The following LRMDA variants were observed in gnomAD, a reference collection of about 807,000 sequenced individuals.
LRMDA encodes leucine-rich melanocyte differentiation-associated protein.
LRMDA carries 18 observed loss-of-function variants against 29.8 expected under a neutral mutation model. The ratio of observed to expected loss-of-function variants is 0.60; its 90% CI spans 0.42 to 0.90. The LOEUF is 0.90. Among genes scored for constraint, LRMDA ranks in the 40% least tolerant of loss-of-function variants. The pLI is 0.00. For missense variants in LRMDA, 273 were observed against 273.9 expected (o/e 1.00, Z 0.02); for synonymous variants, 125 against 109.4 (o/e 1.14, Z -0.89).
chr10:76,027,183 C>G (rs1848076450), intron 2 of LRMDA, among the ~76,000 whole-genome samples: 1 of 152,112 alleles, frequency 6.6e-6, no homozygotes, highest in Admixed American at 6.5e-5. Flanking sequence ...GAATCTGGCA[C>G]CTGGAATTCA....
At chr10:75,803,698 A>G (rs540996258) in intron 2 of LRMDA, among the ~76,000 whole-genome samples, 1 of 152,220 alleles carries the variant, frequency 6.6e-6, no homozygotes, top group Non-Finnish European at 1.5e-5. Context: ...TAAGCTGCAT[A>G]GAAGTATTGT....
chr10:75,798,868 G>T (rs1370957674), intron 2 of LRMDA, among the ~76,000 whole-genome samples: 2 of 152,016 alleles, frequency 1.3e-5, no homozygotes, highest in African/African-American at 2.4e-5. Context: ...TGTGCTCCAT[G>T]AATATGTAAA....
chr10:76,062,751 A>G (rs568098603), intron 5 of LRMDA, among the ~76,000 whole-genome samples: 20 of 151,964 alleles, frequency 1.3e-4, no homozygotes, highest in Non-Finnish European at 2.2e-4. Flanking sequence ...AAATTCAAAT[A>G]TATAAAATAT....
chr10:75,651,931 C>T (rs938495715), intron 2 of LRMDA, among the ~76,000 whole-genome samples: 6 of 152,196 alleles, frequency 3.9e-5, no homozygotes, highest in African/African-American at 1.4e-4. Context: ...CAATCCAGTT[C>T]CTGACATCTT....
intron 2 of LRMDA, among the ~76,000 whole-genome samples, chr10:75,547,727 T>TA (rs1236933743): frequency 6.6e-6 from 1 of 152,176 alleles, no homozygotes; most frequent in Non-Finnish European, 1.5e-5. Flanking sequence ...GGTGGGCTGT[T>TA]ACGTAAAAAA....
At chr10:76,375,739 T>TC (rs397708215) in intron 6 of LRMDA, among the ~76,000 whole-genome samples, 1 of 151,026 alleles carries the variant, frequency 6.6e-6, no homozygotes, top group African/African-American at 2.4e-5. Context: ...TTTTTTTTTT[T>TC]CGGGGGGAGA....
intron 4 of LRMDA, among the ~76,000 whole-genome samples, chr10:76,058,271 A>AG (rs1848647554): frequency 6.6e-6 from 1 of 152,242 alleles, no homozygotes; most frequent in South Asian, 2.1e-4. Context: ...TAGGAATGGC[A>AG]GTGACGTAAA....
At chr10:75,752,316 A>G (rs1270231580) in intron 2 of LRMDA, among the ~76,000 whole-genome samples, 2 of 142,652 alleles carry the variant, frequency 1.4e-5, no homozygotes, top group Non-Finnish European at 3.0e-5. Context: ...GGCTCATGCC[A>G]TTCTCCTGCC....
chr10:75,884,908 C>T (rs963212680), intron 2 of LRMDA, among the ~76,000 whole-genome samples: 3 of 151,500 alleles, frequency 2.0e-5, no homozygotes, highest in African/African-American at 4.9e-5. Context: ...TTAGGAGGTC[C>T]GGGGAGGATA....
At chr10:76,122,193 A>G (rs1044017535) in intron 5 of LRMDA, among the ~76,000 whole-genome samples, 2 of 152,102 alleles carry the variant, frequency 1.3e-5, no homozygotes, top group African/African-American at 4.8e-5. Flanking sequence ...AGTATCTCCA[A>G]GGGAGTGTGA....
intron 2 of LRMDA, among the ~76,000 whole-genome samples, chr10:75,972,535 C>T (rs1384180301): frequency 1.3e-5 from 2 of 152,158 alleles, no homozygotes. Flanking sequence ...TAGCAGCTGT[C>T]TGAGAATTTT....
intron 2 of LRMDA, among the ~76,000 whole-genome samples, chr10:75,957,619 A>G (rs1232940350): frequency 6.6e-6 from 1 of 152,218 alleles, no homozygotes; most frequent in Non-Finnish European, 1.5e-5. Context: ...TCCCTGAGCT[A>G]CAGGATGAGT....
In LRMDA at chr10:76,363,176, A is replaced by AGAAGGGAGGGAG. The variant is rs1459442138; in HGVS notation, c.601+38692_601+38693insAAGGGAGGGAGG. On this transcript the variant is annotated intron_variant, in intron 6 of 6. Coordinates refer to ENST00000611255, the MANE Select transcript of LRMDA (RefSeq NM_001305581.2). ...AAGAAAGAAAGAAAGAAAGAAAGAA[A>AGAAGGGAGGGAG]GGAGGGAGGGAGGGAGGGAGGGAGG... is the stretch of plus-strand genomic sequence containing the variant. 2.0e-3 allele frequency among the ~76,000 whole-genome samples: 43 copies of AGAAGGGAGGGAG among 21,790 alleles called. 2 individuals carry two copies. The highest frequency in any genetic ancestry group is 2.9e-3 in the Non-Finnish European group (25 of 8,590). 14.3% of individuals were successfully genotyped at this position (21,790 alleles called of 152,430 possible).
intron 2 of LRMDA, among the ~76,000 whole-genome samples, chr10:75,591,236 C>T (rs114149177): frequency 3.3e-5 from 5 of 152,272 alleles, no homozygotes; most frequent in South Asian, 2.1e-4. Context: ...ACTGCCCCCC[C>T]ACCCCATAAT....
At chr10:75,859,600 TACACACACACACACACACAC>T (rs71024575) in intron 2 of LRMDA, among the ~76,000 whole-genome samples, 156 of 77,600 alleles carry the variant, frequency 2.0e-3, no homozygotes, top group African/African-American at 5.1e-3. Flanking sequence ...ATTCAGGGCA[TACACACACACACACACACAC>T]ACACACACAC....
chr10:75,706,352 T>C (rs1393996265), intron 2 of LRMDA, among the ~76,000 whole-genome samples: 1 of 152,206 alleles, frequency 6.6e-6, no homozygotes, highest in African/African-American at 2.4e-5. Context: ...TATAGAAATA[T>C]TGGGCTGATG....
intron 6 of LRMDA, among the ~76,000 whole-genome samples, chr10:76,516,257 C>G (rs1170845263): frequency 1.3e-5 from 2 of 152,052 alleles, no homozygotes; most frequent in Non-Finnish European, 2.9e-5. Context: ...AAAATTATCA[C>G]AATCAGAACA....
intron 5 of LRMDA, among the ~76,000 whole-genome samples, chr10:76,286,916 G>A (rs999864886): frequency 1.3e-5 from 2 of 152,114 alleles, no homozygotes; most frequent in African/African-American, 2.4e-5. Context: ...ATCTATAGTG[G>A]TAAAAGCAGG....
intron 2 of LRMDA, among the ~76,000 whole-genome samples, chr10:75,540,472 C>T (rs1840002129): frequency 6.6e-6 from 1 of 152,196 alleles, no homozygotes; most frequent in African/African-American, 2.4e-5. Flanking sequence ...CGTTTTATCA[C>T]CATACTGTCT....
Sources: allele counts gnomAD v4.1 joint callset (sites outside exome capture counted in the v4.1 genomes callset), GRCh38; gene constraint gnomAD v4.1.1; transcripts MANE v1.5; gene names NCBI Gene and HGNC (gene_info 2026-07-23, HGNC 2026-07-21).